Variants in MAX observed in about 807,000 individuals in gnomAD.
MAX encodes the protein protein max.
In MAX, 3 loss-of-function variants were observed where a neutral mutation model predicts 22.3. The observed-to-expected ratio is 0.13, with a 90% CI of 0.06 to 0.35. The LOEUF is 0.35. MAX is among the 10% of genes least tolerant of loss of function. The probability of loss-of-function intolerance (pLI) is 1.00; values close to 1 mark genes in which losing one functional copy is unlikely to be tolerated. For missense variants in MAX, 119 were observed against 209.4 expected (o/e 0.57, Z 2.66); for synonymous variants, 72 against 77.7 (o/e 0.93, Z 0.39).
At chr14:65,021,984 C>T (rs765656861) in intron 3 of MAX, 4 of 455,936 alleles carry the variant, frequency 8.8e-6, no homozygotes, top group Middle Eastern at 3.2e-4. Context: ...TCTTCCAGAA[C>T]AGCAGCCATC....
In MAX at chr14:65,007,472, C is replaced by T. The variant is rs751518644; in HGVS notation, c.172-1188G>A. ...ATGCCTGTGATGATGCTGAAGTAGG[C>T]ATTTGCCTATTCAGTGTTCCAGGGC... On this transcript the variant is annotated intron_variant, in intron 3 of 3. Transcript: ENST00000341653. The surrounding 1 kb of genome is among the most constrained non-coding windows in gnomAD (Gnocchi z 4.9). 2.0e-5 allele frequency among the ~76,000 whole-genome samples: 3 copies of T among 152,200 alleles called. No homozygotes were observed. The highest frequency in any genetic ancestry group is 4.4e-5 in the Non-Finnish European group (3 of 68,034).
At position 65,076,774 on chromosome 14, in the gene MAX, C is replaced by T. The variant is rs1311351644; in HGVS notation, c.296-111G>A. 10 of 1,317,236 alleles carry T rather than the reference C, an allele frequency of 7.6e-6. No individual in the cohort carries two copies. The highest frequency in any genetic ancestry group is 1.8e-5 in the Admixed American group (1 of 57,058). 81.6% of individuals were successfully genotyped at this position (1,317,236 alleles called of 1,614,324 possible). A position where few individuals can be genotyped will look rare whatever the true frequency, so the allele number is the denominator to read the frequency against. ...TCCTAAGGGCTTGCTTGTTGGCCCC[C>T]GAGGCTCAAGATGCTCAGAAGTAGC... is the stretch of plus-strand genomic sequence containing the variant. On this transcript the variant is annotated intron_variant, in intron 4 of 4. Transcript: ENST00000358664. The surrounding 1 kb of genome is among the most constrained non-coding windows in gnomAD (Gnocchi z 6.6).
intron 3 of MAX, among the ~76,000 whole-genome samples, chr14:65,035,767 C>T (rs1177568658): frequency 1.1e-4 from 16 of 151,814 alleles, no homozygotes; most frequent in Admixed American, 1.1e-3. Flanking sequence ...CTCCTGGGCT[C>T]AGGCTATCCA....
In MAX at chr14:65,030,207, G is replaced by A. The variant is rs573870154; in HGVS notation, c.172-23923C>T. ...AAATGCATCTGAGCCTCTTTAAGAGGCCTACAATTGCAAGGAAATTAGACA... is the reference window on the plus strand; with the variant it reads ...AAATGCATCTGAGCCTCTTTAAGAGACCTACAATTGCAAGGAAATTAGACA... On this transcript the variant is annotated intron_variant, in intron 3 of 3. Coordinates refer to the MAX transcript ENST00000341653. The surrounding 1 kb of genome is among the most constrained non-coding windows in gnomAD (Gnocchi z 4.5). 7.9e-5 allele frequency among the ~76,000 whole-genome samples: 12 copies of A among 152,294 alleles called. No homozygotes were observed. The East Asian group carries it at 2.3e-3, about 29-fold the overall frequency.
At chr14:65,036,611 T>C (rs2062199176) in intron 3 of MAX, among the ~76,000 whole-genome samples, 1 of 152,218 alleles carries the variant, frequency 6.6e-6, no homozygotes, top group African/African-American at 2.4e-5. Context: ...GGCAGTGCCA[T>C]TGTGATTCTT....
chr14:65,074,179 T>G (rs2063015477), downstream of MAX, among the ~76,000 whole-genome samples: 1 of 152,218 alleles, frequency 6.6e-6, no homozygotes, highest in East Asian at 1.9e-4. Context: ...GAGATATAGT[T>G]AAGGGCAATG....
rs970424227 is a variant in MAX, at chr14:65,031,960, G to A, written c.172-25676C>T. Among the ~76,000 whole-genome samples, 11 of 149,694 alleles carry A rather than the reference G, an allele frequency of 7.3e-5. No homozygotes were observed. Among genetic ancestry groups the A allele is most frequent in the Admixed American group, 2.7e-4 (4 of 14,960 alleles). The stretch of plus-strand genomic sequence containing the variant: ...CAAAAGCAAAACAAAAAATATAGAC[G>A]TGCGCCTTTTTCATTTAACGTGTGT... On this transcript the variant is annotated intron_variant, in intron 3 of 3. Transcript: ENST00000341653. This position sits in a 1 kb window ranked among gnomAD's most constrained non-coding sequence, Gnocchi z 4.6.
intron 2 of MAX, among the ~76,000 whole-genome samples, chr14:65,100,772 C>T (rs2063809037): frequency 6.6e-6 from 1 of 152,192 alleles, no homozygotes; most frequent in African/African-American, 2.4e-5. Context: ...CATGAAACAT[C>T]CATATTACTG....
Position 65,012,743 on chromosome 14 carries a change from G to A in MAX, c.172-6459C>T, listed in dbSNP as rs536550381. ...GCCCTATAAGCTGATCTAATTTCTC[G>A]CTCATTTATTGAGGACTATTGTCCA... On this transcript the variant is annotated intron_variant, in intron 3 of 3. Transcript: ENST00000341653. The surrounding 1 kb of genome is among the most constrained non-coding windows in gnomAD (Gnocchi z 5.0). Among the ~76,000 whole-genome samples the A allele has an allele frequency of 6.6e-6, 1 of 152,246 alleles. No homozygotes were observed. Among genetic ancestry groups the A allele is most frequent in the East Asian group, 1.9e-4 (1 of 5,184 alleles).
rs1419523450 is a variant in MAX, at chr14:65,031,663, G to A, written c.172-25379C>T. Among the ~76,000 whole-genome samples, 3 of 151,804 alleles carry A rather than the reference G, an allele frequency of 2.0e-5. No individual in the cohort carries two copies. Among genetic ancestry groups the A allele is most frequent in the African/African-American group, 7.3e-5 (3 of 41,378 alleles). On this transcript the variant is annotated intron_variant, in intron 3 of 3. Transcript: ENST00000341653. This position sits in a 1 kb window ranked among gnomAD's most constrained non-coding sequence, Gnocchi z 4.6. ...AGCCCGGGCGCGGTGGCTTATGCCT[G>A]TAATCCCAGCACTTTGGGAGGCCAA...
chr14:65,098,516 G>A (rs1489633255), intron 2 of MAX, among the ~76,000 whole-genome samples: 1 of 152,032 alleles, frequency 6.6e-6, no homozygotes, highest in Non-Finnish European at 1.5e-5. Flanking sequence ...TGCATTTCCT[G>A]ACCAACACAC....
chr14:65,022,682 A>T (rs1290799414), intron 3 of MAX, among the ~76,000 whole-genome samples: 1 of 152,206 alleles, frequency 6.6e-6, no homozygotes, highest in Non-Finnish European at 1.5e-5. Context: ...CTTAAAAAAA[A>T]AAAAAGTAGT....
intron 3 of MAX, among the ~76,000 whole-genome samples, chr14:65,049,580 T>C (rs931098512): frequency 2.0e-5 from 3 of 152,226 alleles, no homozygotes; most frequent in Admixed American, 2.0e-4. Flanking sequence ...TGAGCTTCTA[T>C]GCTTTAATAA....
In MAX at chr14:65,044,753, G is replaced by A. The variant is rs564836861; in HGVS notation, c.172-38469C>T. On this transcript the variant is annotated intron_variant, in intron 3 of 3. Transcript: ENST00000341653. The surrounding 1 kb of genome is among the most constrained non-coding windows in gnomAD (Gnocchi z 5.5). Reference sequence around the variant, plus strand: ...TATCTGGAAGGAGCAGCCCACTCCTGTCCTGGGCTCTGTGGTGATTGCCAC... The same window carrying A: ...TATCTGGAAGGAGCAGCCCACTCCTATCCTGGGCTCTGTGGTGATTGCCAC... 2.8e-6 allele frequency: 1 copy of A among 355,896 alleles called. No individual in the cohort carries two copies. Among genetic ancestry groups the A allele is most frequent in the East Asian group, 7.3e-5 (1 of 13,662 alleles). 22.0% of individuals were successfully genotyped at this position (355,896 alleles called of 1,614,324 possible).
chr14:65,033,353 C>T (rs1039954559), intron 3 of MAX, among the ~76,000 whole-genome samples: 13 of 152,018 alleles, frequency 8.6e-5, no homozygotes, highest in African/African-American at 2.2e-4. Flanking sequence ...AACATGTATA[C>T]GAAAGATAAA....
chr14:65,096,591 G>T (rs7161394), intron 2 of MAX, among the ~76,000 whole-genome samples: 41,114 of 151,714 alleles, frequency 0.27, 6,154 homozygotes, highest in Non-Finnish European at 0.34. Context: ...CTTGTTAACT[G>T]TCTTTGCTTG....
At position 65,054,171 on chromosome 14, in the gene MAX, G is replaced by A. The variant is rs1481544244; in HGVS notation, c.171+39537C>T. ...TCTGTCACCCAGGCTGGAGTGCAGT[G>A]TCACAATCATGACTCACTGCAGCCT... On this transcript the variant is annotated intron_variant, in intron 3 of 3. Transcript: ENST00000341653. The surrounding 1 kb of genome is among the most constrained non-coding windows in gnomAD (Gnocchi z 4.4). 2.6e-5 allele frequency among the ~76,000 whole-genome samples: 4 copies of A among 152,206 alleles called. No individual in the cohort carries two copies. The highest frequency in any genetic ancestry group is 7.2e-5 in the African/African-American group (3 of 41,530).
rs137921098 is a variant in MAX, at chr14:65,052,031, G to A, written c.171+41677C>T. On this transcript the variant is annotated intron_variant, in intron 3 of 3. Transcript: ENST00000341653. ...GGGATGGTCTCGATCTCCTGACCTCGTGATCAACCCCCCTCAGCCTCCCAA... is the reference window on the plus strand; with the variant it reads ...GGGATGGTCTCGATCTCCTGACCTCATGATCAACCCCCCTCAGCCTCCCAA... 4.5e-3 allele frequency among the ~76,000 whole-genome samples: 687 copies of A among 152,058 alleles called. 7 individuals carry two copies. Among genetic ancestry groups the A allele is most frequent in the African/African-American group, 0.016 (650 of 41,492 alleles).
At chr14:65,055,051 C>T (rs528773517) in intron 3 of MAX, among the ~76,000 whole-genome samples, 2 of 152,370 alleles carry the variant, frequency 1.3e-5, no homozygotes, top group South Asian at 2.1e-4. Context: ...CCATGCGGCA[C>T]TGGCTGTACA....
Sources: allele counts gnomAD v4.1 joint callset (sites outside exome capture counted in the v4.1 genomes callset), GRCh38; gene constraint gnomAD v4.1.1; non-coding constraint Gnocchi (gnomAD v3.1); transcripts MANE v1.5; gene names NCBI Gene and HGNC (gene_info 2026-07-23, HGNC 2026-07-21).